Variants in ASB16 observed in about 807,000 individuals in gnomAD.
ASB16 encodes ankyrin repeat and SOCS box containing 16, also known as ankyrin repeat and SOCS box protein 16.
A neutral mutation model predicts 39.1 loss-of-function variants in ASB16; 44 were observed. That is an observed-to-expected ratio of 1.13 (90% CI 0.88 to 1.45). ASB16 has a LOEUF of 1.45. Ranked by LOEUF, ASB16 falls within the 40% of genes most tolerant of loss-of-function variation. ASB16 has a pLI of 0.00. For missense variants in ASB16, 698 were observed against 634.5 expected (o/e 1.10, Z -1.07); for synonymous variants, 305 against 286.7 (o/e 1.06, Z -0.64).
chr17:44,177,879 C>T (rs2054323409), intron 4 of ASB16, 157 bp downstream of exon 4: 1 of 991,100 alleles, frequency 1.0e-6, no homozygotes, highest in Non-Finnish European at 1.5e-6. Flanking sequence ...CCCCCGGTAC[C>T]CCAGGCTGAC....
chr17:44,177,633 C>A lies in ASB16; in HGVS notation c.1087C>A (p.Pro363Thr). The change falls in exon 4 of 5, where the codon CCT becomes ACT. Residue 363 changes from proline (P) to threonine (T), a missense_variant. Physicochemically the swap from Pro to Thr is conservative, Grantham distance 38 (BLOSUM62 -1). Transcript: ENST00000293414. ...PEMLKHCANFPRALEVLLNAY... is the reference protein window; with the variant it reads ...PEMLKHCANFTRALEVLLNAY... ...GATGCTGAAACACTGCGCCAACTTC[C>A]CTCGGGCCCTGGAAGTCCTGCTTAA... The A allele has an allele frequency of 6.2e-7, 1 of 1,613,918 alleles. No individual in the cohort carries two copies.
intron 2 of ASB16, among the ~76,000 whole-genome samples, chr17:44,175,798 T>C (rs771100555): frequency 2.6e-5 from 4 of 152,208 alleles, no homozygotes; most frequent in Non-Finnish European, 5.9e-5. Flanking sequence ...CTGGGAAACA[T>C]GCACTCTTTA....
chr17:44,176,563 A>G, intron 2 of ASB16, 175 bp from the exon 3 acceptor site: 1 of 904,518 alleles, frequency 1.1e-6, no homozygotes, highest in Non-Finnish European at 1.8e-6. Context: ...TGCTTCTGGT[A>G]GCTCTCAGGA....
Position 44,170,976 on chromosome 17 carries a change from C to G in ASB16, c.187C>G (p.Gln63Glu), listed in dbSNP as rs1373448735. The change falls in exon 1 of 5, where the codon CAA becomes GAA. Residue 63 changes from glutamine to glutamate, a missense_variant. Coordinates refer to ENST00000293414, the MANE Select transcript of ASB16 (RefSeq NM_080863.5). ...TTCCTGCCGAGACCCAGCTGTCCAC[C>G]AAGCCCTCTTCTCCGGCAACCTGCA... is the stretch of plus-strand genomic sequence containing the variant. ...HRSCRDPAVH[Q>E]ALFSGNLQQV... The G allele has an allele frequency of 8.7e-6, 14 of 1,613,864 alleles. No individual in the cohort carries two copies. The highest frequency in any genetic ancestry group is 9.3e-6 in the Non-Finnish European group (11 of 1,180,030).
At chr17:44,176,655 G>A in intron 2 of ASB16, 83 bp from the exon 3 acceptor site, 1 of 1,604,204 alleles carries the variant, frequency 6.2e-7, no homozygotes, top group South Asian at 1.1e-5. Flanking sequence ...GAGAGGGGTG[G>A]AAAGGCAAGG....
chr17:44,178,489 T>G lies in ASB16; in HGVS notation c.*99T>G. On this transcript the variant is annotated 3_prime_UTR_variant, in exon 5 of 5. Transcript: ENST00000293414. ...TTCCTGGCCCTCTTTTCTTTTCTTT[T>G]TGAGACCTAGTCTCACTCTGTTGCC... is the stretch of plus-strand genomic sequence containing the variant. 1 of 1,281,922 alleles carries G rather than the reference T, an allele frequency of 7.8e-7. No homozygotes were observed. Among genetic ancestry groups the G allele is most frequent in the Non-Finnish European group, 1.1e-6 (1 of 947,286 alleles). The allele number at this position is 1,281,922 out of a possible 1,614,324, so 79.4% of individuals were successfully genotyped here.
Position 44,170,949 on chromosome 17 carries a change from C to T in ASB16, c.160C>T (p.Arg54Cys), listed in dbSNP as rs754096340. Reference protein sequence around the residue: ...SPRARLTRPHRSCRDPAVHQA... With the variant: ...SPRARLTRPHCSCRDPAVHQA... ...CCGGGCCCGACTCACTAGGCCTCAC[C>T]GTTCCTGCCGAGACCCAGCTGTCCA... Residue 54 changes from arginine to cysteine, a missense_variant, in exon 1 of 5, where the codon CGT becomes TGT. Arg to Cys is a radical substitution (Grantham distance 180). Transcript: ENST00000293414. 9.9e-6 allele frequency: 16 copies of T among 1,613,570 alleles called. No homozygotes were observed. Among genetic ancestry groups the T allele is most frequent in the Middle Eastern group, 3.3e-4 (2 of 6,036 alleles).
intron 2 of ASB16, among the ~76,000 whole-genome samples, chr17:44,173,347 T>C (rs556551953): frequency 4.2e-5 from 6 of 143,526 alleles, no homozygotes; most frequent in Non-Finnish European, 7.5e-5. Flanking sequence ...GAACCGAGAT[T>C]GTGCCACTAC....
At chr17:44,174,430 C>T (rs1328194699) in intron 2 of ASB16, among the ~76,000 whole-genome samples, 2 of 152,164 alleles carry the variant, frequency 1.3e-5, no homozygotes, top group Non-Finnish European at 1.5e-5. Flanking sequence ...CTCCTGAGCT[C>T]AGGCAATCCT....
At chr17:44,177,488 A>G in intron 3 of ASB16, 121 bp from the exon 4 acceptor site, 5 of 1,325,440 alleles carry the variant, frequency 3.8e-6, no homozygotes, top group South Asian at 1.5e-5. Flanking sequence ...CAAAAAAGGG[A>G]AGAGAGACTC....
chr17:44,174,281 G>A (rs910961433), intron 2 of ASB16, among the ~76,000 whole-genome samples: 3 of 151,936 alleles, frequency 2.0e-5, no homozygotes, highest in African/African-American at 7.3e-5. Context: ...TCCTGACCTC[G>A]TGATCCACCC....
chr17:44,174,787 G>A (rs1038381248), intron 2 of ASB16, among the ~76,000 whole-genome samples: 6 of 152,138 alleles, frequency 3.9e-5, no homozygotes, highest in South Asian at 4.1e-4. Context: ...CCTACTGAGC[G>A]AGCTTTGGAG....
chr17:44,178,449 A>G lies in ASB16; in HGVS notation c.*59A>G. The G allele has an allele frequency of 4.8e-6, 7 of 1,466,040 alleles. No individual in the cohort carries two copies. The highest frequency in any genetic ancestry group is 5.5e-6 in the Non-Finnish European group (6 of 1,089,198). 90.8% of individuals were successfully genotyped at this position (1,466,040 alleles called of 1,614,324 possible). On this transcript the variant is annotated 3_prime_UTR_variant, in exon 5 of 5. Coordinates refer to ENST00000293414, the MANE Select transcript of ASB16 (RefSeq NM_080863.5). The stretch of plus-strand genomic sequence containing the variant: ...CCCCTCCCACCTGTCCCCGCCTCCA[A>G]CTGCGGAGGACCAGTTCCTGGCCCT...
At chr17:44,173,986 C>T (rs1367520983) in intron 2 of ASB16, among the ~76,000 whole-genome samples, 6 of 151,842 alleles carry the variant, frequency 4.0e-5, no homozygotes, top group Non-Finnish European at 7.4e-5. Context: ...ATCCTCCTGC[C>T]TCAGCTTCCA....
In ASB16 at chr17:44,177,370, A is replaced by G. The variant is rs970397046; in HGVS notation, c.1062+140A>G. ...GCCAGGGGGCTGTCCCCAGCTTGGG[A>G]GGGGGAGAGAGGATTCTGGGAGAGA... is the stretch of plus-strand genomic sequence containing the variant. On this transcript the variant is annotated intron_variant, in intron 3 of 4. Coordinates refer to ENST00000293414, the MANE Select transcript of ASB16 (RefSeq NM_080863.5). 18 of 1,268,184 alleles carry G rather than the reference A, an allele frequency of 1.4e-5. No individual in the cohort carries two copies. The East Asian group carries it at 4.5e-4, about 32-fold the overall frequency. 78.6% of individuals were successfully genotyped at this position (1,268,184 alleles called of 1,614,324 possible).
Position 44,178,715 on chromosome 17 carries a change from C to T in ASB16, c.*325C>T, listed in dbSNP as rs147833434. ...TCACACTGACCTCAGGTGATCCACC[C>T]GCCTTGGCCTCCCAAAGTGTTGGGA... is the stretch of plus-strand genomic sequence containing the variant. On this transcript the variant is annotated 3_prime_UTR_variant, in exon 5 of 5. Coordinates refer to ENST00000293414, the MANE Select transcript of ASB16 (RefSeq NM_080863.5). 2.4e-3 allele frequency: 773 copies of T among 326,286 alleles called. 9 individuals carry two copies. The highest frequency in any genetic ancestry group is 0.015 in the African/African-American group (683 of 45,924). 20.2% of individuals were successfully genotyped at this position (326,286 alleles called of 1,614,324 possible).
At chr17:44,177,409 G>T (rs1437999979) in intron 3 of ASB16, 179 bp downstream of exon 3, 2 of 1,167,714 alleles carry the variant, frequency 1.7e-6, no homozygotes, top group African/African-American at 1.6e-5. Context: ...TCCAAGGGAG[G>T]GAAGAGCCCC....
intron 4 of ASB16, 84 bp from the exon 5 acceptor site, chr17:44,178,121 T>C: frequency 6.8e-7 from 1 of 1,467,130 alleles, no homozygotes; most frequent in Admixed American, 1.8e-5. Context: ...GGGTGCATGC[T>C]GCAAAATCCC....
At position 44,177,009 on chromosome 17, in the gene ASB16, G is replaced by T. The variant is rs975153669; in HGVS notation, c.841G>T (p.Gly281Trp). The T allele has an allele frequency of 1.3e-6, 2 of 1,488,952 alleles. No homozygotes were observed. Among genetic ancestry groups the T allele is most frequent in the Middle Eastern group, 2.3e-4 (1 of 4,404 alleles). The allele number at this position is 1,488,952 out of a possible 1,614,324, so 92.2% of individuals were successfully genotyped here. ...LEAGADARAAGRKRHTPLHNA... is the reference protein window; with the variant it reads ...LEAGADARAAWRKRHTPLHNA... ...GGCTGGAGCTGATGCCCGGGCGGCC[G>T]GGCGCAAGCGCCACACGCCGCTGCA... is the stretch of plus-strand genomic sequence containing the variant. The change falls in exon 3 of 5, where the codon GGG becomes TGG. Residue 281 changes from glycine (G) to tryptophan (W), a missense_variant. By Grantham distance (184) the Gly-to-Trp change is radical. Transcript: ENST00000293414.
Sources: gnomAD v4.1 joint callset for allele counts (sites outside exome capture counted in the v4.1 genomes callset) on GRCh38, gnomAD v4.1.1 for gene constraint, MANE v1.5 for transcripts, NCBI Gene and HGNC (gene_info 2026-07-23, HGNC 2026-07-21) for gene names.